MGAT5B: variants seen among roughly 807,000 people sequenced by gnomAD.
The protein encoded by MGAT5B is N-acetylglucosaminyl-transferase Vb.
MGAT5B carries 54 observed loss-of-function variants against 95.1 expected under a neutral mutation model. The observed-to-expected ratio is 0.57, with a 90% CI of 0.46 to 0.71. The LOEUF (loss-of-function observed/expected upper bound fraction) is 0.71. Among genes scored for constraint, MGAT5B ranks in the 30% least tolerant of loss-of-function variants. The pLI is 0.00. For missense variants in MGAT5B, 935 were observed against 1,088.6 expected (o/e 0.86, Z 1.99); for synonymous variants, 464 against 451.0 (o/e 1.03, Z -0.36).
chr17:76,936,047 C>T lies in MGAT5B; in HGVS notation c.1429-1941C>T, dbSNP rs371666479. ...AACTCCTGGGCTCAAGCGATCCTCC[C>T]GCCTCAGCCTCTCAAAGTGCTGGGT... On this transcript the variant is annotated intron_variant, in intron 12 of 17. Coordinates refer to ENST00000569840, the MANE Select transcript of MGAT5B (RefSeq NM_001199172.2). 1.3e-4 allele frequency among the ~76,000 whole-genome samples: 20 copies of T among 150,296 alleles called. No homozygotes were observed. In the East Asian group the frequency reaches 3.3e-3, roughly 25 times the overall value.
At chr17:76,903,174 C>T (rs919163277) in intron 4 of MGAT5B, 129 bp from the exon 5 acceptor site, 19 of 700,028 alleles carry the variant, frequency 2.7e-5, no homozygotes, top group Admixed American at 8.3e-5. Flanking sequence ...GTGGGTTGTG[C>T]GGCTGATGAG....
At chr17:76,874,662 T>C (rs1967122165) in intron 2 of MGAT5B, among the ~76,000 whole-genome samples, 1 of 152,056 alleles carries the variant, frequency 6.6e-6, no homozygotes, top group South Asian at 2.1e-4. Context: ...GGCCGGGCTC[T>C]GGTTTTTATG....
intron 12 of MGAT5B, among the ~76,000 whole-genome samples, chr17:76,936,927 T>C (rs894215918): frequency 2.0e-5 from 3 of 152,246 alleles, no homozygotes; most frequent in African/African-American, 7.2e-5. Context: ...CTAGGTTCTT[T>C]GCATTTCCAA....
Position 76,950,090 on chromosome 17 carries a change from C to T in MGAT5B, c.*1252C>T, listed in dbSNP as rs1274086300. On this transcript the variant is annotated 3_prime_UTR_variant, in exon 18 of 18. Coordinates refer to ENST00000569840, the MANE Select transcript of MGAT5B (RefSeq NM_001199172.2). ...ACTGCCACCCACCCAGTTTTATAAT[C>T]CCGCTCCCTCTCCAGGCAACCCCAC... is the stretch of plus-strand genomic sequence containing the variant. The T allele has an allele frequency of 6.6e-6, 1 of 151,962 alleles. No individual in the cohort carries two copies. The highest frequency in any genetic ancestry group is 2.0e-4 in the East Asian group (1 of 5,062). 9.4% of individuals were successfully genotyped at this position (151,962 alleles called of 1,614,324 possible). A position where few individuals can be genotyped will look rare whatever the true frequency, so the allele number is the denominator to read the frequency against.
Position 76,948,750 on chromosome 17 carries a change from G to C in MGAT5B, c.2291G>C (p.Cys764Ser). 1 of 1,611,734 alleles carries C rather than the reference G, an allele frequency of 6.2e-7. No homozygotes were observed. Among genetic ancestry groups the C allele is most frequent in the South Asian group, 1.1e-5 (1 of 90,562 alleles). Residue 764 changes from cysteine to serine, a missense_variant, in exon 18 of 18, where the codon TGC (cysteine) becomes TCC (serine). Physicochemically the swap from Cys to Ser is moderately radical, Grantham distance 112 (BLOSUM62 -1). Transcript: ENST00000569840. ...YLQKEPLLFS[C>S]AGSNTKYRRL... Reference sequence around the variant, plus strand: ...CAGAAGGAGCCTCTGCTCTTCAGCTGCGCCGGCTCCAACACCAAGTACCGC... The same window carrying C: ...CAGAAGGAGCCTCTGCTCTTCAGCTCCGCCGGCTCCAACACCAAGTACCGC...
intron 3 of MGAT5B, among the ~76,000 whole-genome samples, 191 bp from the exon 4 acceptor site, chr17:76,902,364 A>G (rs1274632192): frequency 2.0e-5 from 3 of 152,010 alleles, no homozygotes; most frequent in Non-Finnish European, 2.9e-5. Context: ...TGTGTACTGG[A>G]TGGGGTGGGC....
chr17:76,886,291 A>G (rs981888522), intron 3 of MGAT5B, among the ~76,000 whole-genome samples: 1 of 152,196 alleles, frequency 6.6e-6, no homozygotes, highest in Admixed American at 6.5e-5. Context: ...ATGGAATTCC[A>G]CTGCATGCCC....
chr17:76,882,306 G>A lies in MGAT5B; in HGVS notation c.329+8G>A. The A allele has an allele frequency of 1.2e-6, 2 of 1,605,686 alleles. No individual in the cohort carries two copies. On this transcript the variant is annotated splice_region_variant and intron_variant, in intron 3 of 17. Transcript: ENST00000569840. Reference sequence around the variant, plus strand: ...GCACTTTCCCGCAGACAGGTGAGGGGACGTGGGGAGGAGGCACACGGAGCA... The same window carrying A: ...GCACTTTCCCGCAGACAGGTGAGGGAACGTGGGGAGGAGGCACACGGAGCA...
chr17:76,918,795 A>G lies in MGAT5B; in HGVS notation c.1026-6171A>G, dbSNP rs1969029766. Among the ~76,000 whole-genome samples the G allele has an allele frequency of 1.3e-5, 2 of 152,208 alleles. No homozygotes were observed. Among genetic ancestry groups the G allele is most frequent in the African/African-American group, 4.8e-5 (2 of 41,462 alleles). The stretch of plus-strand genomic sequence containing the variant: ...TGTGTGTTCCCCTTGAGAGGCACCC[A>G]GTGAAGTTGTGGATCCTGCCTGCAC... On this transcript the variant is annotated intron_variant, in intron 8 of 17. Coordinates refer to ENST00000569840, the MANE Select transcript of MGAT5B (RefSeq NM_001199172.2). This position sits in a 1 kb window ranked among gnomAD's most constrained non-coding sequence, Gnocchi z 5.1.
intron 3 of MGAT5B, among the ~76,000 whole-genome samples, chr17:76,900,412 A>G (rs1375547018): frequency 6.6e-6 from 1 of 152,206 alleles, no homozygotes; most frequent in Non-Finnish European, 1.5e-5. Flanking sequence ...TTGCAGATGT[A>G]ATCAAATTAA....
At chr17:76,873,015 C>T (rs1460991186) in intron 2 of MGAT5B, 52 bp downstream of exon 2, 1 of 1,593,570 alleles carries the variant, frequency 6.3e-7, no homozygotes, top group East Asian at 2.2e-5. Context: ...GTTTGTGGGT[C>T]AAAGAGGAAG....
At chr17:76,902,096 A>C (rs958629482) in intron 3 of MGAT5B, among the ~76,000 whole-genome samples, 3 of 152,134 alleles carry the variant, frequency 2.0e-5, no homozygotes, top group African/African-American at 7.2e-5. Context: ...GCGCACATGC[A>C]GTTGTGGGCA....
intron 8 of MGAT5B, among the ~76,000 whole-genome samples, chr17:76,921,565 A>G (rs1055165461): frequency 6.6e-6 from 1 of 151,876 alleles, no homozygotes; most frequent in African/African-American, 2.4e-5. Flanking sequence ...GCGGGGGTCC[A>G]CCTTCCACCC....
chr17:76,922,922 G>A (rs1969164010), intron 8 of MGAT5B, among the ~76,000 whole-genome samples: 1 of 152,218 alleles, frequency 6.6e-6, no homozygotes. Flanking sequence ...GGAGGCTGGT[G>A]GGGGTACTAG....
At chr17:76,933,379 G>T in intron 12 of MGAT5B, 82 bp downstream of exon 12, 1 of 1,552,786 alleles carries the variant, frequency 6.4e-7, no homozygotes, top group South Asian at 1.1e-5. Flanking sequence ...GTCTCTCCTT[G>T]TGATGTTCTC....
chr17:76,912,541 T>C lies in MGAT5B; in HGVS notation c.1025+6354T>C, dbSNP rs1035908282. ...ACGCGGCTTGTACATTTGTTGTAGT[T>C]TATTCGCAGATGTTCACGGCAGATG... On this transcript the variant is annotated intron_variant, in intron 8 of 17. Transcript: ENST00000569840. This position sits in a 1 kb window ranked among gnomAD's most constrained non-coding sequence, Gnocchi z 5.0. Among the ~76,000 whole-genome samples, 1 of 151,998 alleles carries C rather than the reference T, an allele frequency of 6.6e-6. No homozygotes were observed. The highest frequency in any genetic ancestry group is 1.5e-5 in the Non-Finnish European group (1 of 67,998).
rs1053063633 is a variant in MGAT5B, at chr17:76,905,892, G to T, written c.856-126G>T. 1.9e-6 allele frequency: 2 copies of T among 1,045,502 alleles called. No individual in the cohort carries two copies. Among genetic ancestry groups the T allele is most frequent in the Non-Finnish European group, 2.7e-6 (2 of 736,796 alleles). The allele number at this position is 1,045,502 out of a possible 1,614,324, so 64.8% of individuals were successfully genotyped here. A position where few individuals can be genotyped will look rare whatever the true frequency, so the allele number is the denominator to read the frequency against. ...GATCTGGTCACTCTGGTGCCGGAAA[G>T]CACCTGCTGGGGCCCAGCCTGGAGA... On this transcript the variant is annotated intron_variant, in intron 7 of 17. Transcript: ENST00000569840. The surrounding 1 kb of genome is among the most constrained non-coding windows in gnomAD (Gnocchi z 4.2).
intron 16 of MGAT5B, 43 bp from the exon 17 acceptor site, chr17:76,947,787 T>C: frequency 4.0e-6 from 6 of 1,504,804 alleles, no homozygotes; most frequent in Non-Finnish European, 5.3e-6. Flanking sequence ...CAGGCACACC[T>C]GGGTCGCACT....
chr17:76,934,589 G>T (rs1969594959), intron 12 of MGAT5B, among the ~76,000 whole-genome samples: 1 of 152,184 alleles, frequency 6.6e-6, no homozygotes, highest in African/African-American at 2.4e-5. Context: ...TGTGGGCACT[G>T]GGTGCTGGAG....
Sources: allele counts gnomAD v4.1 joint callset (sites outside exome capture counted in the v4.1 genomes callset), GRCh38; gene constraint gnomAD v4.1.1; non-coding constraint Gnocchi (gnomAD v3.1); transcripts MANE v1.5; gene names NCBI Gene and HGNC (gene_info 2026-07-23, HGNC 2026-07-21).